Variants in ZNF730 observed in about 807,000 individuals in gnomAD.
ZNF730 encodes the protein zinc finger protein 730.
Under a neutral mutation model 12.6 loss-of-function variants are expected in ZNF730, and 12 were observed. That is an observed-to-expected ratio of 0.95 (90% CI 0.61 to 1.54). The LOEUF is 1.54. ZNF730 is among the 40% of genes most tolerant of loss of function. The pLI, the probability that ZNF730 is intolerant of heterozygous loss-of-function variation, is 0.00. For missense variants in ZNF730, 643 were observed against 583.5 expected (o/e 1.10, Z -1.05); for synonymous variants, 194 against 195.8 (o/e 0.99, Z 0.08).
At chr19:23,099,669 A>G (rs1436297390) in intron 1 of ZNF730, among the ~76,000 whole-genome samples, 3 of 152,168 alleles carry the variant, frequency 2.0e-5, no homozygotes, top group East Asian at 3.8e-4. Flanking sequence ...CCATTCCACC[A>G]TTGAGATTGT....
intron 1 of ZNF730, chr19:23,098,523 G>T (rs998075705): frequency 1.3e-5 from 2 of 152,154 alleles, no homozygotes; most frequent in Non-Finnish European, 2.9e-5. Flanking sequence ...TGTCCACAGG[G>T]GTTCTTGTGA....
chr19:23,120,010 T>C (rs1004322192), intron 1 of ZNF730, among the ~76,000 whole-genome samples: 148 of 149,994 alleles, frequency 9.9e-4, no homozygotes, highest in Non-Finnish European at 1.6e-3. Context: ...TTTTTTTTTT[T>C]CTCAGGCAGA....
At position 23,095,193 on chromosome 19, in the gene ZNF730, A is replaced by G. The variant is rs1599574830; in HGVS notation, c.-94+19806A>G. On this transcript the variant is annotated intron_variant, in intron 1 of 2. Transcript: ENST00000593635. ...CTTACTGCCTTGACACTGCCCACAG[A>G]GGACATAGTGACATATCACTGGGTC... 4 of 394,556 alleles carry G rather than the reference A, an allele frequency of 1.0e-5. No homozygotes were observed. The East Asian group carries it at 1.4e-4, about 14-fold the overall frequency. The allele number at this position is 394,556 out of a possible 1,614,324, so 24.4% of individuals were successfully genotyped here.
At chr19:23,135,221 TAAAAAAAAAAAAAAAAAAAAA>T (rs57748615) in intron 2 of ZNF730, among the ~76,000 whole-genome samples, 27 of 38,820 alleles carry the variant, frequency 7.0e-4, no homozygotes, top group Non-Finnish European at 8.2e-4. Flanking sequence ...GAATGATCAA[TAAAAAAAAAAAAAAAAAAAAA>T]AAAAAAAAAA....
chr19:23,116,773 A>G (rs1279893583), upstream of ZNF730, among the ~76,000 whole-genome samples: 2 of 152,146 alleles, frequency 1.3e-5, no homozygotes, highest in African/African-American at 4.8e-5. Flanking sequence ...ATAAATACAT[A>G]TGATCTTACA....
intron 1 of ZNF730, chr19:23,128,425 G>A: frequency 2.6e-6 from 1 of 385,730 alleles, no homozygotes; most frequent in Non-Finnish European, 4.9e-6. Context: ...TCCAGTCTAT[G>A]AGAAGAAGCC....
chr19:23,142,645 G>T (rs577295180), intron 3 of ZNF730, among the ~76,000 whole-genome samples: 16 of 137,748 alleles, frequency 1.2e-4, no homozygotes, highest in African/African-American at 3.8e-4. Flanking sequence ...CCAAGATCGC[G>T]CCGCTGCACT....
In ZNF730 at chr19:23,145,636, G is replaced by A. The variant is rs758023458; in HGVS notation, c.592G>A (p.Glu198Lys). 2 of 1,552,286 alleles carry A rather than the reference G, an allele frequency of 1.3e-6. No homozygotes were observed. The highest frequency in any genetic ancestry group is 1.7e-6 in the Non-Finnish European group (2 of 1,150,152). The change falls in exon 4 of 4, where the codon GAG (glutamate) becomes AAG (lysine). Residue 198 changes from glutamate to lysine, a missense_variant. Transcript: ENST00000597761. Reference protein sequence around the residue: ...LAQHKKIHTGEKSYKCEEYGK... With the variant: ...LAQHKKIHTGKKSYKCEEYGK... ...TCAACATAAAAAAATTCATACTGGA[G>A]AGAAATCCTACAAATGTGAAGAATA...
Position 23,096,239 on chromosome 19 carries a change from C to G in ZNF730, c.-94+20852C>G, listed in dbSNP as rs149571351. Among the ~76,000 whole-genome samples the G allele has an allele frequency of 3.0e-3, 457 of 152,186 alleles. 4 individuals carry two copies. Among genetic ancestry groups the G allele is most frequent in the African/African-American group, 0.011 (438 of 41,504 alleles). ...GGCCCAGCATCTAGGTGATGTAACT[C>G]TACTGTACTGTTTGGTTTCTGCCTA... is the stretch of plus-strand genomic sequence containing the variant. On this transcript the variant is annotated intron_variant, in intron 1 of 2. Coordinates refer to the ZNF730 transcript ENST00000593635.
rs1381302917 is a variant in ZNF730 at position 23,134,128 on chromosome 19, T to C, written c.52T>C (p.Trp18Arg). Reference protein sequence around the residue: ...DVAIEFSLEEWQCLDTEQQNL... With the variant: ...DVAIEFSLEERQCLDTEQQNL... ...GGCCATAGAATTCTCTCTGGAGGAG[T>C]GGCAATGTCTGGACACCGAACAACA... Residue 18 changes from tryptophan (W) to arginine (R), a missense_variant, in exon 2 of 4, where the codon TGG (tryptophan) becomes CGG (arginine). Trp to Arg is a moderately radical substitution (Grantham distance 101). Coordinates refer to ENST00000597761, the MANE Select transcript of ZNF730 (RefSeq NM_001277403.2). The C allele has an allele frequency of 6.2e-7, 1 of 1,613,392 alleles. No homozygotes were observed. The highest frequency in any genetic ancestry group is 1.1e-5 in the South Asian group (1 of 91,000).
intron 2 of ZNF730, among the ~76,000 whole-genome samples, chr19:23,135,163 C>G (rs1332123951): frequency 7.4e-6 from 1 of 134,890 alleles, no homozygotes; most frequent in Non-Finnish European, 1.5e-5. Flanking sequence ...CTTCCCTCCA[C>G]TATTGTCCTA....
chr19:23,080,125 T>C (rs1258265939), intron 1 of ZNF730, among the ~76,000 whole-genome samples: 1 of 152,022 alleles, frequency 6.6e-6, no homozygotes, highest in Admixed American at 6.6e-5. Flanking sequence ...TTTGTATTTT[T>C]AGTAGAGACA....
intron 3 of ZNF730, among the ~76,000 whole-genome samples, chr19:23,140,829 G>T (rs1970906249): frequency 6.6e-6 from 1 of 151,484 alleles, no homozygotes; most frequent in African/African-American, 2.4e-5. Flanking sequence ...GCCAGTGCCT[G>T]TAGTTCCACC....
intron 1 of ZNF730, chr19:23,123,925 A>C (rs1028714784): frequency 6.6e-6 from 1 of 152,296 alleles, no homozygotes; most frequent in African/African-American, 2.4e-5. Context: ...AGTTATCTCT[A>C]TCTGGATTCA....
chr19:23,117,433 C>T (rs1599587846), intron 1 of ZNF730, among the ~76,000 whole-genome samples: 1 of 152,200 alleles, frequency 6.6e-6, no homozygotes, highest in African/African-American at 2.4e-5. Flanking sequence ...TCTGCACCCG[C>T]AGCGCTGCGT....
chr19:23,126,995 G>T (rs919424506), intron 1 of ZNF730: 3 of 504,444 alleles, frequency 5.9e-6, no homozygotes, highest in South Asian at 4.6e-5. Context: ...CTGAAACTTT[G>T]AGAAAAAACT....
At position 23,129,573 on chromosome 19, in the gene ZNF730, C is replaced by CCCG. The variant is rs1555715535; in HGVS notation, c.4-4505_4-4504insGCC. 1.9e-4 allele frequency among the ~76,000 whole-genome samples: 11 copies of CCCG among 59,318 alleles called. No individual in the cohort carries two copies. The South Asian group carries it at 2.4e-3, about 13-fold the overall frequency. The allele number at this position is 59,318 out of a possible 152,430, so 38.9% of individuals were successfully genotyped here. Reference sequence around the variant, plus strand: ...GACTGTATTTACCCAATGCTTGTATCCCCCCCCCCATTATATCAGGGAAGT... The same window carrying CCCG: ...GACTGTATTTACCCAATGCTTGTATCCCGCCCCCCCCCATTATATCAGGGAAGT... On this transcript the variant is annotated intron_variant, in intron 1 of 3. Coordinates refer to ENST00000597761, the MANE Select transcript of ZNF730 (RefSeq NM_001277403.2).
intron 1 of ZNF730, among the ~76,000 whole-genome samples, chr19:23,092,701 G>A (rs1334603915): frequency 6.6e-6 from 1 of 152,140 alleles, no homozygotes. Flanking sequence ...GGGATTGCAT[G>A]TGTGAGCCAC....
upstream of ZNF730, among the ~76,000 whole-genome samples, chr19:23,115,709 C>T (rs1313994638): frequency 1.1e-5 from 1 of 89,968 alleles, no homozygotes; most frequent in African/African-American, 3.3e-5. Flanking sequence ...CAGAAGCTTA[C>T]CCCCAGAAGC....
Sources: allele counts gnomAD v4.1 joint callset (sites outside exome capture counted in the v4.1 genomes callset), GRCh38; gene constraint gnomAD v4.1.1; transcripts MANE v1.5; gene names NCBI Gene and HGNC (gene_info 2026-07-23, HGNC 2026-07-21).